Variants in COBL observed in about 807,000 individuals in gnomAD.
COBL encodes protein cordon-bleu.
Under a neutral mutation model 98.8 loss-of-function variants are expected in COBL, and 51 were observed. That is an observed-to-expected ratio of 0.52 (90% confidence interval 0.41 to 0.65). The LOEUF (loss-of-function observed/expected upper bound fraction) is 0.65. Among genes scored for constraint, COBL ranks in the 30% least tolerant of loss-of-function variants. The pLI is 0.00. For missense variants in COBL, 1,617 were observed against 1,617.5 expected (o/e 1.00, Z 0.01); for synonymous variants, 634 against 651.7 (o/e 0.97, Z 0.41).
chr7:51,300,408 G>A (rs893341909), intron 1 of COBL, among the ~76,000 whole-genome samples: 1 of 152,266 alleles, frequency 6.6e-6, no homozygotes. Flanking sequence ...TGATCTGCCT[G>A]CCTTAGCCTC....
At chr7:51,087,193 CA>C (rs1419929045) in intron 6 of COBL, among the ~76,000 whole-genome samples, 1 of 151,376 alleles carries the variant, frequency 6.6e-6, no homozygotes, top group African/African-American at 2.4e-5. Context: ...CTCCATTTTC[CA>C]AAAAATTATA....
chr7:51,134,428 C>A (rs1035434537), intron 6 of COBL, among the ~76,000 whole-genome samples: 33 of 152,208 alleles, frequency 2.2e-4, no homozygotes, highest in African/African-American at 7.7e-4. Flanking sequence ...ATTCCCAATT[C>A]TCTACTTACT....
chr7:51,116,661 CTT>C (rs1797296089), intron 6 of COBL, among the ~76,000 whole-genome samples: 1 of 152,062 alleles, frequency 6.6e-6, no homozygotes. Context: ...TTCTGACACT[CTT>C]TATGTCTTTC....
chr7:51,066,625 A>C (rs141143870), intron 7 of COBL, among the ~76,000 whole-genome samples: 2 of 152,196 alleles, frequency 1.3e-5, no homozygotes, highest in Non-Finnish European at 2.9e-5. Context: ...GTATAGATTT[A>C]AGGGTTACTC....
chr7:51,094,705 T>C (rs1023095272), intron 6 of COBL, among the ~76,000 whole-genome samples: 1 of 152,178 alleles, frequency 6.6e-6, no homozygotes, highest in Non-Finnish European at 1.5e-5. Flanking sequence ...GGAGTAACTA[T>C]ATAGACAAAT....
At chr7:51,174,725 TG>T (rs1788202258) in intron 5 of COBL, among the ~76,000 whole-genome samples, 2 of 152,196 alleles carry the variant, frequency 1.3e-5, no homozygotes, top group Non-Finnish European at 2.9e-5. Flanking sequence ...ACAATTCCTG[TG>T]GAACAACTTT....
intron 2 of COBL, among the ~76,000 whole-genome samples, chr7:51,212,355 G>A (rs923937672): frequency 6.6e-6 from 1 of 152,194 alleles, no homozygotes; most frequent in Non-Finnish European, 1.5e-5. Context: ...TCCTAGTGCA[G>A]AGGGGCCACT....
At chr7:51,259,702 T>C (rs1797546507) in intron 1 of COBL, 13 of 739,530 alleles carry the variant, frequency 1.8e-5, no homozygotes, top group South Asian at 1.6e-4. Context: ...CCTTGGCTCA[T>C]CCACATTTCA....
At chr7:51,308,391 C>G (rs373710055) in intron 1 of COBL, among the ~76,000 whole-genome samples, 3 of 152,208 alleles carry the variant, frequency 2.0e-5, no homozygotes, top group South Asian at 2.1e-4. Context: ...TTTAACTTCA[C>G]GCCCACTCTC....
chr7:51,207,925 T>C (rs755093552), intron 2 of COBL, among the ~76,000 whole-genome samples: 1 of 133,638 alleles, frequency 7.5e-6, no homozygotes, highest in Non-Finnish European at 1.6e-5. Flanking sequence ...TCTGCCTGGC[T>C]GCCCAGTCTG....
At chr7:51,135,868 T>C (rs990441895) in intron 6 of COBL, among the ~76,000 whole-genome samples, 6 of 152,200 alleles carry the variant, frequency 3.9e-5, no homozygotes, top group African/African-American at 9.7e-5. Context: ...ACTGCATCCT[T>C]ATCTTTACAG....
intron 2 of COBL, among the ~76,000 whole-genome samples, chr7:51,214,312 T>TAAATAAAG (rs1196392185): frequency 6.7e-6 from 1 of 150,160 alleles, no homozygotes; most frequent in Non-Finnish European, 1.5e-5. Context: ...AATAAATAAA[T>TAAATAAAG]AAATAAAGAC....
At chr7:51,312,386 T>C (rs1803144097) in intron 1 of COBL, among the ~76,000 whole-genome samples, 1 of 152,138 alleles carries the variant, frequency 6.6e-6, no homozygotes, top group Admixed American at 6.5e-5. Context: ...AAAGTTCAAG[T>C]CTAAATCAGA....
Position 51,075,073 on chromosome 7 carries a change from T to C in COBL, c.1096+10093A>G, listed in dbSNP as rs114964962. 3.0e-3 allele frequency among the ~76,000 whole-genome samples: 458 copies of C among 152,312 alleles called. 3 individuals carry two copies. Among genetic ancestry groups the C allele is most frequent in the African/African-American group, 0.011 (443 of 41,582 alleles). ...AGATGAGAATAAAACCAGAAAGATA[T>C]ATGTTGGAATTTTACTCATTTGTCA... On this transcript the variant is annotated intron_variant, in intron 7 of 12. Transcript: ENST00000265136.
chr7:51,178,571 G>C (rs1241174416), intron 5 of COBL, among the ~76,000 whole-genome samples: 1 of 152,078 alleles, frequency 6.6e-6, no homozygotes, highest in Non-Finnish European at 1.5e-5. Context: ...AAAAAAAGAA[G>C]AGAGAGGAAG....
At chr7:51,158,486 A>G (rs1786426071) in intron 5 of COBL, among the ~76,000 whole-genome samples, 1 of 148,954 alleles carries the variant, frequency 6.7e-6, no homozygotes, top group South Asian at 2.2e-4. Context: ...TAAGATGCAG[A>G]AATCAAGAAA....
At chr7:51,301,991 A>G (rs987608425) in intron 1 of COBL, among the ~76,000 whole-genome samples, 4 of 152,128 alleles carry the variant, frequency 2.6e-5, no homozygotes, top group Non-Finnish European at 5.9e-5. Flanking sequence ...GAACAGTCAG[A>G]GCCAGGGGCC....
chr7:51,301,061 C>A (rs1458569450), intron 1 of COBL, among the ~76,000 whole-genome samples: 2 of 152,122 alleles, frequency 1.3e-5, no homozygotes, highest in African/African-American at 4.8e-5. Flanking sequence ...AGAGCACCCT[C>A]ACCCCGCACG....
chr7:51,122,934 G>C (rs1158451352), intron 6 of COBL, among the ~76,000 whole-genome samples: 1 of 150,654 alleles, frequency 6.6e-6, no homozygotes, highest in Non-Finnish European at 1.5e-5. Flanking sequence ...GGCTGAGATC[G>C]CACCACTGAC....
Sources: allele counts gnomAD v4.1 joint callset (sites outside exome capture counted in the v4.1 genomes callset), GRCh38; gene constraint gnomAD v4.1.1; transcripts MANE v1.5; gene names NCBI Gene and HGNC (gene_info 2026-07-23, HGNC 2026-07-21).